PSMB1: variants seen among roughly 807,000 people sequenced by gnomAD.
PSMB1 encodes the protein proteasome 20S subunit beta 1, also known as proteasome subunit beta type-1.
Under a neutral mutation model 25.4 loss-of-function variants are expected in PSMB1, and 7 were observed. The ratio of observed to expected loss-of-function variants is 0.28; its 90% CI spans 0.16 to 0.52. The LOEUF (loss-of-function observed/expected upper bound fraction) is 0.52, where lower values mean the gene tolerates loss of function less well. Ranked by LOEUF, PSMB1 falls within the 20% of genes least tolerant of loss-of-function variation. The pLI, the probability that PSMB1 is intolerant of heterozygous loss-of-function variation, is 0.97. For missense variants in PSMB1, 284 were observed against 302.2 expected (o/e 0.94, Z 0.45); for synonymous variants, 119 against 115.0 (o/e 1.03, Z -0.22).
At chr6:170,540,410 C>A (rs547455045) in intron 4 of PSMB1, among the ~76,000 whole-genome samples, 2 of 152,046 alleles carry the variant, frequency 1.3e-5, no homozygotes, top group African/African-American at 4.8e-5. Context: ...AGCTGCCAAC[C>A]GGGCTTCTCT....
intron 3 of PSMB1, among the ~76,000 whole-genome samples, chr6:170,545,597 G>A (rs1228682796): frequency 1.3e-5 from 2 of 152,190 alleles, no homozygotes; most frequent in African/African-American, 4.8e-5. Flanking sequence ...AACTGAAGCT[G>A]GTCAGGTGAC....
intron 5 of PSMB1, 50 bp downstream of exon 5, chr6:170,537,184 C>A (rs747720268): frequency 3.5e-6 from 5 of 1,430,262 alleles, no homozygotes; most frequent in Non-Finnish European, 3.9e-6. Flanking sequence ...TTCAACTGAA[C>A]ACCATGACAA....
chr6:170,549,350 A>G, intron 1 of PSMB1: 1 of 457,596 alleles, frequency 2.2e-6, no homozygotes, highest in Middle Eastern at 5.8e-4. Context: ...AGGAGTTAAC[A>G]GAAAAGCCAA....
intron 1 of PSMB1, chr6:170,550,251 T>C (rs1486317718): frequency 6.6e-6 from 1 of 152,220 alleles, no homozygotes; most frequent in African/African-American, 2.4e-5. Flanking sequence ...CAGCAAGCAA[T>C]GGCAAACAGG....
intron 4 of PSMB1, among the ~76,000 whole-genome samples, chr6:170,538,647 C>T (rs1210256958): frequency 9.9e-5 from 15 of 152,146 alleles, no homozygotes; most frequent in African/African-American, 2.4e-4. Context: ...TGTGGTGAGC[C>T]GAGATCATGC....
At chr6:170,540,318 G>A (rs1778743440) in intron 4 of PSMB1, among the ~76,000 whole-genome samples, 1 of 152,072 alleles carries the variant, frequency 6.6e-6, no homozygotes, top group African/African-American at 2.4e-5. Flanking sequence ...GTGGCAAAGG[G>A]TAGGAGCAAA....
intron 5 of PSMB1, among the ~76,000 whole-genome samples, chr6:170,536,779 C>T (rs184749825): frequency 5.3e-4 from 80 of 152,242 alleles, no homozygotes; most frequent in African/African-American, 1.9e-3. Flanking sequence ...TTCTTGGAGT[C>T]GAAAGTTATA....
intron 2 of PSMB1, 61 bp downstream of exon 2, chr6:170,548,945 C>A: frequency 8.0e-7 from 1 of 1,245,490 alleles, no homozygotes; most frequent in Non-Finnish European, 1.2e-6. Flanking sequence ...GAAGTAGAAA[C>A]TCTCACAACA....
intron 1 of PSMB1, 68 bp from the exon 2 acceptor site, chr6:170,549,181 C>G: frequency 1.1e-6 from 1 of 869,874 alleles, no homozygotes; most frequent in South Asian, 1.4e-5. Flanking sequence ...GAAGAATGCT[C>G]CATAGTACAT....
At chr6:170,548,716 C>T (rs1778854414) in intron 2 of PSMB1, among the ~76,000 whole-genome samples, 1 of 152,174 alleles carries the variant, frequency 6.6e-6, no homozygotes, top group Non-Finnish European at 1.5e-5. Flanking sequence ...TTCTTTCTTT[C>T]TCTGGCCTTC....
At chr6:170,539,133 G>A (rs1259257959) in intron 4 of PSMB1, among the ~76,000 whole-genome samples, 1 of 152,170 alleles carries the variant, frequency 6.6e-6, no homozygotes, top group Non-Finnish European at 1.5e-5. Context: ...AGAATGGCAT[G>A]AATCTTGATT....
intron 5 of PSMB1, among the ~76,000 whole-genome samples, chr6:170,536,119 C>A (rs557445933): frequency 6.6e-6 from 1 of 152,254 alleles, no homozygotes; most frequent in African/African-American, 2.4e-5. Flanking sequence ...CCGTTTTCAA[C>A]CACTCAGGCC....
At chr6:170,545,415 C>T (rs545040054) in intron 3 of PSMB1, among the ~76,000 whole-genome samples, 1 of 152,228 alleles carries the variant, frequency 6.6e-6, no homozygotes, top group African/African-American at 2.4e-5. Context: ...AAAGCATTAA[C>T]AATTGATAAA....
intron 4 of PSMB1, 103 bp from the exon 5 acceptor site, chr6:170,537,443 CT>C (rs1160940356): frequency 6.8e-6 from 6 of 881,580 alleles, no homozygotes; most frequent in Middle Eastern, 5.5e-4. Flanking sequence ...GGACTATCAC[CT>C]TGGCTAAAAC....
chr6:170,548,964 T>C (rs778296963), intron 2 of PSMB1, 42 bp downstream of exon 2: 2 of 1,382,386 alleles, frequency 1.4e-6, no homozygotes, highest in Non-Finnish European at 2.1e-6. Flanking sequence ...CATCAAATCA[T>C]TACAAAGGCA....
chr6:170,553,216 C>G lies in PSMB1; in HGVS notation c.27G>C (p.Ser9=). 1.9e-6 allele frequency: 3 copies of G among 1,613,428 alleles called. No individual in the cohort carries two copies. The highest frequency in any genetic ancestry group is 1.1e-5 in the South Asian group (1 of 90,886). Residue 9 remains serine (S), a synonymous_variant, in exon 1 of 6, where the codon TCG becomes TCC. Transcript: ENST00000262193. ...CCATCCCCAAGTCTCTGCCAGGAGC[C>G]GAATACATGGCTGTAGAGGACAACA... MLSSTAMY[S]APGRDLGMEP...
chr6:170,549,102 G>C lies in PSMB1; in HGVS notation c.125C>G (p.Ala42Gly). The C allele has an allele frequency of 6.2e-7, 1 of 1,611,258 alleles. No homozygotes were observed. Among genetic ancestry groups the C allele is most frequent in the South Asian group, 1.1e-5 (1 of 91,044 alleles). ...AATTGCAAAATCTTCTCCAGCAATT[G>C]CCAGTATAGTACTGAGGAAAAAAGA... ...PYVFNGGTIL[A>G]IAGEDFAIVA... is the part of the protein sequence containing the mutation. The change falls in exon 2 of 6, where the codon GCA becomes GGA. Residue 42 changes from alanine (A) to glycine (G), a missense_variant. Coordinates refer to ENST00000262193, the MANE Select transcript of PSMB1 (RefSeq NM_002793.4).
At chr6:170,553,037 C>T in intron 1 of PSMB1, 93 bp downstream of exon 1, 1 of 1,150,330 alleles carries the variant, frequency 8.7e-7, no homozygotes, top group Non-Finnish European at 1.2e-6. Flanking sequence ...TGCAGGAGCC[C>T]GGGGCAGCGC....
intron 4 of PSMB1, among the ~76,000 whole-genome samples, chr6:170,537,725 G>A (rs1409825814): frequency 1.3e-5 from 2 of 152,186 alleles, no homozygotes; most frequent in Non-Finnish European, 2.9e-5. Flanking sequence ...AACCACTGCA[G>A]ATGTAAAACA....
Sources: gnomAD v4.1 joint callset for allele counts (sites outside exome capture counted in the v4.1 genomes callset) on GRCh38, gnomAD v4.1.1 for gene constraint, MANE v1.5 for transcripts, NCBI Gene and HGNC (gene_info 2026-07-23, HGNC 2026-07-21) for gene names.